Variants in BLK observed in about 807,000 individuals in gnomAD.
The protein encoded by BLK is tyrosine-protein kinase Blk.
Under a neutral mutation model 61.8 loss-of-function variants are expected in BLK, and 64 were observed. That is an observed-to-expected ratio of 1.03 (90% CI 0.85 to 1.27). The LOEUF (loss-of-function observed/expected upper bound fraction) is 1.27. Ranked by LOEUF, BLK falls within the 50% of genes most tolerant of loss-of-function variation. The pLI is 0.00. For missense variants in BLK, 853 were observed against 660.5 expected, an observed-to-expected ratio of 1.29 and a Z score of -3.19; for synonymous variants, 351 against 272.0, an observed-to-expected ratio of 1.29 and a Z score of -2.86.
At chr8:11,508,113 G>C (rs1798853355) in intron 1 of BLK, among the ~76,000 whole-genome samples, 1 of 152,190 alleles carries the variant, frequency 6.6e-6, no homozygotes, top group Admixed American at 6.5e-5. Flanking sequence ...GGGCTGGGAA[G>C]GACTAGAGCC....
At chr8:11,531,318 T>G (rs1190298037) in intron 1 of BLK, among the ~76,000 whole-genome samples, 1 of 152,232 alleles carries the variant, frequency 6.6e-6, no homozygotes, top group Non-Finnish European at 1.5e-5. Flanking sequence ...TTGAAAAGTC[T>G]AATTTATCAA....
chr8:11,521,843 T>C (rs1430223978), intron 1 of BLK, among the ~76,000 whole-genome samples: 1 of 152,236 alleles, frequency 6.6e-6, no homozygotes, highest in Non-Finnish European at 1.5e-5. Context: ...AGTGTGGACA[T>C]CTAGGAGGGG....
intron 1 of BLK, among the ~76,000 whole-genome samples, chr8:11,497,856 G>A (rs772751352): frequency 5.3e-5 from 8 of 152,196 alleles, no homozygotes; most frequent in Non-Finnish European, 7.3e-5. Flanking sequence ...ATAGATGAAA[G>A]CATTGGGGCT....
intron 1 of BLK, among the ~76,000 whole-genome samples, chr8:11,510,279 C>G (rs1563426145): frequency 6.6e-6 from 1 of 152,164 alleles, no homozygotes; most frequent in Non-Finnish European, 1.5e-5. Context: ...AGTTTTTCAT[C>G]TCTTTTCTCC....
At chr8:11,556,636 T>C in intron 8 of BLK, 22 bp from the exon 9 acceptor site, 1 of 1,614,092 alleles carries the variant, frequency 6.2e-7, no homozygotes, top group Non-Finnish European at 8.5e-7. Context: ...TCTGATTGGC[T>C]TCTTCACTCC....
At chr8:11,561,998 T>C (rs935839925) in intron 11 of BLK, among the ~76,000 whole-genome samples, 2 of 152,170 alleles carry the variant, frequency 1.3e-5, no homozygotes. Flanking sequence ...TTTGTATGTT[T>C]AGTAGAGATG....
chr8:11,501,299 A>G (rs1324732475), intron 1 of BLK, among the ~76,000 whole-genome samples: 1 of 152,106 alleles, frequency 6.6e-6, no homozygotes, highest in African/African-American at 2.4e-5. Context: ...GTCAAAAGTC[A>G]TAGCCCATTT....
chr8:11,556,630 A>G (rs1801241183), intron 8 of BLK, 28 bp from the exon 9 acceptor site: 11 of 1,613,876 alleles, frequency 6.8e-6, no homozygotes, highest in South Asian at 6.6e-5. Flanking sequence ...CTGTCTTCTG[A>G]TTGGCTTCTT....
intron 1 of BLK, among the ~76,000 whole-genome samples, chr8:11,505,307 T>C (rs1161772194): frequency 1.3e-5 from 2 of 152,198 alleles, no homozygotes; most frequent in Non-Finnish European, 2.9e-5. Context: ...TACAAAGTTT[T>C]CTGTTGTCAA....
At chr8:11,556,356 G>C in intron 8 of BLK, 2 of 447,918 alleles carry the variant, frequency 4.5e-6, no homozygotes, top group South Asian at 4.3e-5. Context: ...CATTATGTAG[G>C]GGAGGGGTGG....
chr8:11,498,783 T>G (rs1435387272), intron 1 of BLK, among the ~76,000 whole-genome samples: 4 of 152,226 alleles, frequency 2.6e-5, no homozygotes, highest in Non-Finnish European at 5.9e-5. Flanking sequence ...CTTCATTCAT[T>G]GATAATAGCA....
Position 11,563,057 on chromosome 8 carries a change from C to G in BLK, c.1259C>G (p.Ser420Trp). The G allele has an allele frequency of 6.2e-7, 1 of 1,614,124 alleles. No individual in the cohort carries two copies. The highest frequency in any genetic ancestry group is 8.5e-7 in the Non-Finnish European group (1 of 1,180,032). The change falls in exon 12 of 13, where the codon TCG becomes TGG. Residue 420 changes from serine to tryptophan, a missense_variant. By Grantham distance (177) the Ser-to-Trp change is radical. Coordinates refer to ENST00000259089, the MANE Select transcript of BLK (RefSeq NM_001715.3). ...GVFTIKADVW[S>W]FGVLLMEVVT... is the part of the protein sequence containing the mutation. ...TTCACCATCAAAGCAGACGTGTGGT[C>G]GTTTGGAGTCCTCCTGATGGAAGTT... is the stretch of plus-strand genomic sequence containing the variant.
intron 1 of BLK, among the ~76,000 whole-genome samples, chr8:11,530,945 G>C (rs536065532): frequency 6.6e-6 from 1 of 152,102 alleles, no homozygotes; most frequent in Admixed American, 6.6e-5. Context: ...AAGTTGTTTC[G>C]TTTCACCTTA....
chr8:11,495,036 G>T (rs924017506), intron 1 of BLK, among the ~76,000 whole-genome samples: 1 of 152,170 alleles, frequency 6.6e-6, no homozygotes, highest in Non-Finnish European at 1.5e-5. Context: ...TGTTGCTTTC[G>T]TTTTATTTGT....
intron 11 of BLK, 37 bp downstream of exon 11, chr8:11,561,489 C>A: frequency 1.2e-6 from 2 of 1,606,744 alleles, no homozygotes; most frequent in Non-Finnish European, 1.7e-6. Flanking sequence ...AAACCTAGGG[C>A]CTTATCTTTC....
intron 1 of BLK, among the ~76,000 whole-genome samples, chr8:11,529,256 G>A (rs1422001598): frequency 6.6e-6 from 1 of 152,190 alleles, no homozygotes; most frequent in Non-Finnish European, 1.5e-5. Flanking sequence ...AGAGCCAGCT[G>A]TGTGGAAGAC....
At chr8:11,550,377 T>G (rs1315003928) in intron 6 of BLK, 115 bp downstream of exon 6, 6 of 1,000,594 alleles carry the variant, frequency 6.0e-6, no homozygotes, top group African/African-American at 4.8e-5. Flanking sequence ...AACCAGCAGC[T>G]TCCGGGCTTG....
chr8:11,517,333 C>A (rs1040650919), intron 1 of BLK, among the ~76,000 whole-genome samples: 1 of 152,192 alleles, frequency 6.6e-6, no homozygotes, highest in Admixed American at 6.5e-5. Flanking sequence ...GATGGAGCTG[C>A]CATTCACAGC....
intron 1 of BLK, among the ~76,000 whole-genome samples, chr8:11,524,355 T>G (rs2117346355): frequency 6.6e-6 from 1 of 152,332 alleles, no homozygotes; most frequent in East Asian, 1.9e-4. Flanking sequence ...GTAACTGATT[T>G]TTTTTCCTTT....
Sources: gnomAD v4.1 joint callset for allele counts (sites outside exome capture counted in the v4.1 genomes callset) on GRCh38, gnomAD v4.1.1 for gene constraint, MANE v1.5 for transcripts, NCBI Gene and HGNC (gene_info 2026-07-23, HGNC 2026-07-21) for gene names.